The following ALPL variants were observed in gnomAD, a reference collection of about 807,000 sequenced individuals.
The protein encoded by ALPL is alkaline phosphatase, biomineralization associated, also known as alkaline phosphatase, tissue-nonspecific isozyme.
In ALPL, 42 loss-of-function variants were observed where a neutral mutation model predicts 51.3. The ratio of observed to expected loss-of-function variants is 0.82; its 90% CI spans 0.64 to 1.06. The LOEUF (loss-of-function observed/expected upper bound fraction) is 1.06. Among genes scored for constraint, ALPL ranks in the 50% least tolerant of loss-of-function variants. ALPL has a pLI of 0.00. For missense variants in ALPL, 589 were observed against 709.4 expected, an observed-to-expected ratio of 0.83 and a Z score of 1.93; for synonymous variants, 279 against 296.4, an observed-to-expected ratio of 0.94 and a Z score of 0.60.
rs1359729503 is a variant in ALPL at position 21,564,591 on chromosome 1, A to C, written c.648+375A>C. On this transcript the variant is annotated intron_variant, in intron 6 of 11. Coordinates refer to ENST00000374840, the MANE Select transcript of ALPL (RefSeq NM_000478.6). This position sits in a 1 kb window ranked among gnomAD's most constrained non-coding sequence, Gnocchi z 5.8. ...GTCACAGATGGGTACATATCTGTAC[A>C]CTCAACCACCAGCATGCCCGGCAAA... Among the ~76,000 whole-genome samples the C allele has an allele frequency of 6.6e-6, 1 of 152,156 alleles. No homozygotes were observed. The highest frequency in any genetic ancestry group is 1.5e-5 in the Non-Finnish European group (1 of 68,032).
In ALPL at chr1:21,577,447, C is replaced by T. The variant is rs776664499; in HGVS notation, c.1374C>T (p.Asp458=). The change falls in exon 12 of 12, where the codon GAC becomes GAT. Residue 458 remains aspartate, a synonymous_variant. Transcript: ENST00000374840. ...PLRHETHGGE[D]VAVFSKGPMA... ...GCCACGAGACCCACGGCGGGGAGGA[C>T]GTGGCCGTCTTCTCCAAGGGCCCCA... 20 of 1,611,886 alleles carry T rather than the reference C, an allele frequency of 1.2e-5. No homozygotes were observed. The highest frequency in any genetic ancestry group is 3.3e-5 in the South Asian group (3 of 91,084).
intron 1 of ALPL, among the ~76,000 whole-genome samples, chr1:21,523,541 A>G (rs1227232141): frequency 6.6e-6 from 1 of 152,094 alleles, no homozygotes; most frequent in African/African-American, 2.4e-5. Flanking sequence ...CGTGGGGCGG[A>G]GGGGAGTATC....
In ALPL at chr1:21,563,185, G is replaced by A; in HGVS notation, c.373G>A (p.Glu125Lys). Residue 125 changes from glutamate to lysine, a missense_variant, in exon 5 of 12, where the codon GAG becomes AAG. Transcript: ENST00000374840. ...TAYLCGVKAN[E>K]GTVGVSAATE... ...CTACCTGTGTGGGGTGAAGGCCAAT[G>A]AGGGCACCGTGGGGGTAAGCGCAGC... 6.2e-7 allele frequency: 1 copy of A among 1,613,976 alleles called. No homozygotes were observed.
At chr1:21,569,093 C>T (rs1037019760) in intron 7 of ALPL, among the ~76,000 whole-genome samples, 17 of 152,056 alleles carry the variant, frequency 1.1e-4, no homozygotes, top group African/African-American at 3.6e-4. Flanking sequence ...GGGCCAAGAA[C>T]GAGGTGGGGG....
At chr1:21,537,046 G>A (rs1278505253) in intron 1 of ALPL, among the ~76,000 whole-genome samples, 1 of 151,856 alleles carries the variant, frequency 6.6e-6, no homozygotes, top group Non-Finnish European at 1.5e-5. Context: ...ATTGGCGCCC[G>A]CCACCACGCC....
At chr1:21,551,531 T>C (rs1400235068) in intron 1 of ALPL, 2 of 99,112 alleles carry the variant, frequency 2.0e-5, no homozygotes, top group African/African-American at 7.4e-5. Flanking sequence ...ATAGAAATAT[T>C]TGGAAACCGT....
chr1:21,545,045 A>G (rs552645564), intron 1 of ALPL, among the ~76,000 whole-genome samples: 20 of 152,248 alleles, frequency 1.3e-4, no homozygotes, highest in African/African-American at 4.3e-4. Flanking sequence ...TCGAGACCAA[A>G]TAAGTACATT....
chr1:21,540,904 G>A (rs1644175433), intron 1 of ALPL, among the ~76,000 whole-genome samples: 1 of 152,224 alleles, frequency 6.6e-6, no homozygotes, highest in African/African-American at 2.4e-5. Flanking sequence ...CTTCCCAAGT[G>A]AGTGTGTGAG....
intron 1 of ALPL, among the ~76,000 whole-genome samples, chr1:21,542,635 A>G (rs935820362): frequency 2.0e-5 from 3 of 152,198 alleles, no homozygotes; most frequent in Non-Finnish European, 4.4e-5. Flanking sequence ...TGAGGCCAGG[A>G]GTTCAAGATC....
intron 4 of ALPL, among the ~76,000 whole-genome samples, chr1:21,562,020 C>G (rs1438038523): frequency 6.6e-6 from 1 of 152,038 alleles, no homozygotes; most frequent in Admixed American, 6.6e-5. Context: ...CGAGGCAGTT[C>G]GTGAAGTTAA....
In ALPL at chr1:21,570,383, AG is replaced by A. The variant is rs1644629189; in HGVS notation, c.862+14del. 2.5e-6 allele frequency: 4 copies of A among 1,613,134 alleles called. No homozygotes were observed. Among genetic ancestry groups the A allele is most frequent in the Non-Finnish European group, 2.5e-6 (3 of 1,179,486 alleles). On this transcript the variant is annotated intron_variant, in intron 8 of 11. Coordinates refer to ENST00000374840, the MANE Select transcript of ALPL (RefSeq NM_000478.6). ...TGTGGACTACCTATTGGGTAAGTGG[AG>A]GGGGTGGAGGGGAGGATGCATGGCT...
intron 1 of ALPL, among the ~76,000 whole-genome samples, chr1:21,517,691 C>T (rs1412504165): frequency 6.6e-6 from 1 of 152,160 alleles, no homozygotes; most frequent in African/African-American, 2.4e-5. Flanking sequence ...GTGTGACCTT[C>T]GCCAAGTCCC....
At chr1:21,538,889 T>C (rs1429847119) in intron 1 of ALPL, among the ~76,000 whole-genome samples, 2 of 152,196 alleles carry the variant, frequency 1.3e-5, no homozygotes, top group African/African-American at 4.8e-5. Context: ...GACATTCTCT[T>C]GCTGTGTGAC....
At chr1:21,537,183 A>G (rs989803274) in intron 1 of ALPL, among the ~76,000 whole-genome samples, 2 of 152,162 alleles carry the variant, frequency 1.3e-5, no homozygotes, top group Admixed American at 1.3e-4. Context: ...GGCGTGAGCC[A>G]CCGTGCCCGG....
intron 1 of ALPL, among the ~76,000 whole-genome samples, chr1:21,513,964 G>A (rs1407590247): frequency 2.0e-5 from 3 of 152,148 alleles, no homozygotes; most frequent in East Asian, 1.9e-4. Context: ...CTGAGCTTGC[G>A]GTTTCTGGGC....
At chr1:21,519,721 C>T (rs753399517) in intron 1 of ALPL, among the ~76,000 whole-genome samples, 2 of 152,158 alleles carry the variant, frequency 1.3e-5, no homozygotes, top group African/African-American at 2.4e-5. Context: ...CACTTGAATC[C>T]GGGAGGCGGA....
At chr1:21,534,750 AT>A (rs557681936) in intron 1 of ALPL, among the ~76,000 whole-genome samples, 87 of 152,282 alleles carry the variant, frequency 5.7e-4, no homozygotes, top group South Asian at 5.4e-3. Flanking sequence ...CTGGGCAAGA[AT>A]CCAGTTGCGC....
chr1:21,523,718 C>A (rs1643906991), intron 1 of ALPL, among the ~76,000 whole-genome samples: 1 of 152,166 alleles, frequency 6.6e-6, no homozygotes, highest in Non-Finnish European at 1.5e-5. Context: ...CAGGGACAAC[C>A]ACCCTCCAAC....
intron 1 of ALPL, among the ~76,000 whole-genome samples, chr1:21,529,270 T>C (rs114920611): frequency 0.024 from 3,700 of 151,964 alleles, 169 homozygotes; most frequent in African/African-American, 0.083. Flanking sequence ...CTTTTTTTTT[T>C]TCTGAGACAG....
Sources: gnomAD v4.1 joint callset for allele counts (sites outside exome capture counted in the v4.1 genomes callset) on GRCh38, gnomAD v4.1.1 for gene constraint, Gnocchi (gnomAD v3.1) non-coding constraint, MANE v1.5 for transcripts, NCBI Gene and HGNC (gene_info 2026-07-23, HGNC 2026-07-21) for gene names.